Variants in ELL observed in about 807,000 individuals in gnomAD.
ELL encodes the protein elongation factor for RNA polymerase II, also known as RNA polymerase II elongation factor ELL.
Under a neutral mutation model 64.0 loss-of-function variants are expected in ELL, and 18 were observed. The ratio of observed to expected loss-of-function variants is 0.28; its 90% CI spans 0.19 to 0.42. The LOEUF (loss-of-function observed/expected upper bound fraction) is 0.42. Among genes scored for constraint, ELL ranks in the 10% least tolerant of loss-of-function variants. The pLI, the probability that ELL is intolerant of heterozygous loss-of-function variation, is 1.00. For synonymous variants in ELL, 399 were observed against 376.2 expected (o/e 1.06, Z -0.70); for missense variants, 797 against 870.4 (o/e 0.92, Z 1.06).
chr19:18,518,079 G>A (rs144709441), intron 1 of ELL, among the ~76,000 whole-genome samples: 1 of 151,848 alleles, frequency 6.6e-6, no homozygotes, highest in Non-Finnish European at 1.5e-5. Context: ...AATTTGTAGG[G>A]CATGGTGGTG....
chr19:18,489,177 C>A (rs1356444384), intron 1 of ELL, among the ~76,000 whole-genome samples: 1 of 152,220 alleles, frequency 6.6e-6, no homozygotes, highest in African/African-American at 2.4e-5. Context: ...CTGACACACA[C>A]CAGAAAGCAG....
chr19:18,474,581 C>A (rs1975138234), intron 1 of ELL, among the ~76,000 whole-genome samples: 1 of 152,248 alleles, frequency 6.6e-6, no homozygotes, highest in South Asian at 2.1e-4. Context: ...CGCAAGCCAC[C>A]ACTGTCCATG....
chr19:18,470,592 C>T (rs1975044189), intron 2 of ELL, among the ~76,000 whole-genome samples: 1 of 152,244 alleles, frequency 6.6e-6, no homozygotes, highest in African/African-American at 2.4e-5. Context: ...TGTCAACTGG[C>T]TAGGCTGCAG....
intron 2 of ELL, chr19:18,472,561 T>A (rs1975085495): frequency 2.0e-5 from 9 of 453,706 alleles, no homozygotes; most frequent in Non-Finnish European, 3.5e-5. Context: ...CCCTGCCCTA[T>A]CAGAGTGGAA....
intron 1 of ELL, among the ~76,000 whole-genome samples, chr19:18,478,622 C>G (rs1975227457): frequency 6.6e-6 from 1 of 152,234 alleles, no homozygotes; most frequent in African/African-American, 2.4e-5. Context: ...AGCTGGGGAG[C>G]CTGGTAGGGC....
chr19:18,486,660 G>A (rs1205578445), intron 1 of ELL, among the ~76,000 whole-genome samples: 2 of 152,154 alleles, frequency 1.3e-5, no homozygotes, highest in African/African-American at 2.4e-5. Flanking sequence ...CACCGGACTC[G>A]GCTCTTACCG....
intron 1 of ELL, among the ~76,000 whole-genome samples, chr19:18,497,917 T>C (rs1600490428): frequency 6.9e-6 from 1 of 144,050 alleles, no homozygotes; most frequent in Admixed American, 6.9e-5. Flanking sequence ...TCGCCTGAGG[T>C]CGGGAGTTCG....
At chr19:18,488,796 G>GT (rs1276993537) in intron 1 of ELL, among the ~76,000 whole-genome samples, 5 of 152,210 alleles carry the variant, frequency 3.3e-5, no homozygotes, top group Admixed American at 6.5e-5. Context: ...CACCAGCTCA[G>GT]TAAGTGGCAG....
intron 1 of ELL, among the ~76,000 whole-genome samples, chr19:18,520,253 T>C (rs1030821297): frequency 6.6e-6 from 1 of 152,130 alleles, no homozygotes; most frequent in African/African-American, 2.4e-5. Flanking sequence ...CGTAGTTATA[T>C]GACTCACGAG....
At chr19:18,473,055 G>A in intron 1 of ELL, 173 bp from the exon 2 acceptor site, 1 of 758,922 alleles carries the variant, frequency 1.3e-6, no homozygotes, top group Non-Finnish European at 2.1e-6. Flanking sequence ...ACCGGAGCAG[G>A]GTTTTAGAAG....
intron 1 of ELL, among the ~76,000 whole-genome samples, chr19:18,515,476 A>G (rs1243540842): frequency 2.0e-5 from 3 of 152,238 alleles, no homozygotes; most frequent in African/African-American, 4.8e-5. Flanking sequence ...CTGGTGATTC[A>G]GCCTCCTCCA....
chr19:18,465,427 C>T lies in ELL; in HGVS notation c.454G>A (p.Gly152Arg). 1 of 1,603,254 alleles carries T rather than the reference C, an allele frequency of 6.2e-7. No homozygotes were observed. Among genetic ancestry groups the T allele is most frequent in the Non-Finnish European group, 8.5e-7 (1 of 1,172,196 alleles). The part of the protein sequence containing the change: ...RSRSAIVIKA[G>R]GRYLGKKVQF... ...CACTGCTCACCCAGGTAGCGGCCTC[C>T]AGCCTTGATGACAATGGCACTTCGG... Residue 152 changes from glycine (G) to arginine (R), a missense_variant, in exon 4 of 12, where the codon GGA (glycine) becomes AGA (arginine). By Grantham distance (125) the Gly-to-Arg change is moderately radical. Transcript: ENST00000262809.
In ELL at chr19:18,449,193, C is replaced by T. The variant is rs2144890329; in HGVS notation, c.1465+1284G>A. ...CCCCAGGCCTGTCTTGGCACCTAGG[C>T]ACTGGGCATCCAAGGAAGGGACACA... On this transcript the variant is annotated intron_variant, in intron 8 of 11. Coordinates refer to ENST00000262809, the MANE Select transcript of ELL (RefSeq NM_006532.4). This position sits in a 1 kb window ranked among gnomAD's most constrained non-coding sequence, Gnocchi z 4.4. Among the ~76,000 whole-genome samples the T allele has an allele frequency of 6.6e-6, 1 of 152,296 alleles. No individual in the cohort carries two copies. Among genetic ancestry groups the T allele is most frequent in the South Asian group, 2.1e-4 (1 of 4,826 alleles).
intron 1 of ELL, among the ~76,000 whole-genome samples, chr19:18,505,599 G>C (rs1975866583): frequency 6.6e-6 from 1 of 152,198 alleles, no homozygotes; most frequent in Non-Finnish European, 1.5e-5. Context: ...TGGGGTTTCT[G>C]TGATGGGAAA....
intron 1 of ELL, among the ~76,000 whole-genome samples, chr19:18,506,339 C>G (rs574740871): frequency 6.6e-6 from 1 of 152,236 alleles, no homozygotes; most frequent in Non-Finnish European, 1.5e-5. Context: ...GAGGGACACC[C>G]GGGCTGCTTC....
intron 8 of ELL, among the ~76,000 whole-genome samples, chr19:18,447,107 A>G (rs1462860991): frequency 6.6e-6 from 1 of 152,222 alleles, no homozygotes; most frequent in Non-Finnish European, 1.5e-5. Context: ...CACCACAGTC[A>G]CATTCTTGGC....
At position 18,498,351 on chromosome 19, in the gene ELL, A is replaced by G. The variant is rs1371313214; in HGVS notation, c.135+23570T>C. Among the ~76,000 whole-genome samples, 6 of 152,316 alleles carry G rather than the reference A, an allele frequency of 3.9e-5. No individual in the cohort carries two copies. In the East Asian group the frequency reaches 9.6e-4, roughly 24 times the overall value. On this transcript the variant is annotated intron_variant, in intron 1 of 11. Transcript: ENST00000262809. Reference sequence around the variant, plus strand: ...AATTAGATTTCGAGAAGGGCTTCATAGTAGCAGGACCTGACGGGACCCTAG... The same window carrying G: ...AATTAGATTTCGAGAAGGGCTTCATGGTAGCAGGACCTGACGGGACCCTAG...
intron 5 of ELL, among the ~76,000 whole-genome samples, chr19:18,459,660 C>T (rs1974759778): frequency 6.6e-6 from 1 of 151,992 alleles, no homozygotes; most frequent in Admixed American, 6.6e-5. Flanking sequence ...GCTGGGACTA[C>T]AGGCACCCGC....
chr19:18,508,506 A>G (rs559850785), intron 1 of ELL, among the ~76,000 whole-genome samples: 1 of 152,332 alleles, frequency 6.6e-6, no homozygotes, highest in Admixed American at 6.5e-5. Flanking sequence ...AGGACCCTCC[A>G]AAGTCTCAAC....
Sources: allele counts gnomAD v4.1 joint callset (sites outside exome capture counted in the v4.1 genomes callset), GRCh38; gene constraint gnomAD v4.1.1; non-coding constraint Gnocchi (gnomAD v3.1); transcripts MANE v1.5; gene names NCBI Gene and HGNC (gene_info 2026-07-23, HGNC 2026-07-21).